Variants in POLR3B observed in about 807,000 individuals in gnomAD.
POLR3B encodes the protein DNA-directed RNA polymerase III subunit RPC2.
Under a neutral mutation model 147.4 loss-of-function variants are expected in POLR3B, and 96 were observed. The observed-to-expected ratio is 0.65, with a 90% CI of 0.55 to 0.77. The LOEUF (loss-of-function observed/expected upper bound fraction) is 0.77, where lower values mean the gene tolerates loss of function less well. Among genes scored for constraint, POLR3B ranks in the 30% least tolerant of loss-of-function variants. The pLI, the probability that POLR3B is intolerant of heterozygous loss-of-function variation, is 0.00. For synonymous variants in POLR3B, 461 were observed against 485.9 expected, an observed-to-expected ratio of 0.95 and a Z score of 0.67; for missense variants, 1,036 against 1,413.5, an observed-to-expected ratio of 0.73 and a Z score of 4.28.
intron 11 of POLR3B, among the ~76,000 whole-genome samples, chr12:106,409,360 TTTTTTTTTTTTC>T (rs2037192173): frequency 4.1e-5 from 6 of 145,474 alleles, no homozygotes; most frequent in South Asian, 4.4e-4. Context: ...TTTTTGTTTT[TTTTTTTTTTTTC>T]TTGAGGATGG....
intron 10 of POLR3B, among the ~76,000 whole-genome samples, chr12:106,397,535 A>G (rs1476917210): frequency 6.6e-6 from 1 of 152,180 alleles, no homozygotes; most frequent in Admixed American, 6.5e-5. Context: ...TTTTTGCACC[A>G]TAGATTAGTT....
At position 106,475,375 on chromosome 12, in the gene POLR3B, A is replaced by G. The variant is rs1276733174; in HGVS notation, c.2713+11755A>G. Among the ~76,000 whole-genome samples the G allele has an allele frequency of 2.1e-5, 2 of 97,060 alleles. 1 individual carries two copies. The highest frequency in any genetic ancestry group is 4.1e-5 in the Non-Finnish European group (2 of 49,236). 63.7% of individuals were successfully genotyped at this position (97,060 alleles called of 152,430 possible). A position where few individuals can be genotyped will look rare whatever the true frequency, so the allele number is the denominator to read the frequency against. Reference sequence around the variant, plus strand: ...GGGGTGGAGAGTTTTGTAGATGTCTATTAGGTCCGCTTGGTGCAGAGCTGA... The same window carrying G: ...GGGGTGGAGAGTTTTGTAGATGTCTGTTAGGTCCGCTTGGTGCAGAGCTGA... On this transcript the variant is annotated intron_variant, in intron 23 of 27. Transcript: ENST00000228347.
At chr12:106,465,540 G>A (rs1296770535) in intron 23 of POLR3B, among the ~76,000 whole-genome samples, 5 of 151,994 alleles carry the variant, frequency 3.3e-5, no homozygotes, top group Admixed American at 1.3e-4. Context: ...AGGTATACAC[G>A]TGCCGTGGTG....
At chr12:106,388,231 C>T (rs906434726) in intron 9 of POLR3B, among the ~76,000 whole-genome samples, 1 of 152,238 alleles carries the variant, frequency 6.6e-6, no homozygotes, top group Admixed American at 6.5e-5. Flanking sequence ...CTTATGATGG[C>T]ATCTGTAGTT....
chr12:106,494,166 A>C (rs1290179126), intron 23 of POLR3B, among the ~76,000 whole-genome samples: 1 of 152,222 alleles, frequency 6.6e-6, no homozygotes, highest in Admixed American at 6.5e-5. Context: ...TCATTTTAAT[A>C]ACATAATAAA....
chr12:106,474,930 C>G (rs1423157968), intron 23 of POLR3B, among the ~76,000 whole-genome samples: 2 of 140,936 alleles, frequency 1.4e-5, no homozygotes, highest in African/African-American at 5.8e-5. Context: ...TTCGCTCTTG[C>G]TTTTCTAGTT....
In POLR3B at chr12:106,427,263, C is replaced by T. The variant is rs548827190; in HGVS notation, c.1168C>T (p.Gln390Ter). ...TTCTGAAATGAAAAAGATTGCCGAC[C>T]AGGTGATTCCTAAGCAAAGAGCAGC... The part of the protein sequence containing the change: ...FNSEMKKIAD[Q>*]VIPKQRAAQF... Residue 390 changes from glutamine to a stop codon, truncating the protein, a stop_gained, in exon 13 of 28, where the codon CAG becomes TAG. Transcript: ENST00000228347. LOFTEE classifies it high-confidence loss of function. The T allele has an allele frequency of 2.5e-6, 4 of 1,610,918 alleles. No homozygotes were observed. Among genetic ancestry groups the T allele is most frequent in the East Asian group, 2.2e-5 (1 of 44,738 alleles).
At position 106,380,127 on chromosome 12, in the gene POLR3B, C is replaced by T; in HGVS notation, c.711C>T (p.Val237=). ...CTTTGTCAGAAGATATACCCATTGT[C>T]ATCATATTTAAGGTAAAGCTGCAGC... The part of the protein sequence containing the change: ...HNTLSEDIPI[V]IIFKAMGVES... Residue 237 remains valine, a synonymous_variant, in exon 9 of 28, where the codon GTC becomes GTT. Transcript: ENST00000228347. 6.4e-7 allele frequency: 1 copy of T among 1,572,100 alleles called. No homozygotes were observed. Among genetic ancestry groups the T allele is most frequent in the African/African-American group, 1.3e-5 (1 of 74,184 alleles).
intron 9 of POLR3B, among the ~76,000 whole-genome samples, chr12:106,385,553 C>T (rs1202745317): frequency 2.0e-5 from 3 of 152,102 alleles, no homozygotes; most frequent in Non-Finnish European, 4.4e-5. Flanking sequence ...GGGTATAAGC[C>T]TCAGAGGAGT....
chr12:106,390,648 A>T (rs2036901702), intron 9 of POLR3B, among the ~76,000 whole-genome samples: 1 of 152,022 alleles, frequency 6.6e-6, no homozygotes, highest in African/African-American at 2.4e-5. Flanking sequence ...TGGAGGTTAA[A>T]AAAAAAGACT....
intron 12 of POLR3B, among the ~76,000 whole-genome samples, chr12:106,422,216 C>T (rs2037382500): frequency 1.3e-5 from 2 of 152,076 alleles, no homozygotes; most frequent in Admixed American, 1.3e-4. Context: ...CCTCCTAGTG[C>T]CATTTTCTTG....
chr12:106,439,668 A>T (rs938505598), intron 18 of POLR3B, among the ~76,000 whole-genome samples: 2 of 152,026 alleles, frequency 1.3e-5, no homozygotes, highest in African/African-American at 4.8e-5. Flanking sequence ...AAATATATAT[A>T]TTTTTTGCAC....
intron 12 of POLR3B, among the ~76,000 whole-genome samples, chr12:106,424,678 G>GAAT (rs1168157073): frequency 6.6e-6 from 1 of 152,058 alleles, no homozygotes; most frequent in East Asian, 1.9e-4. Context: ...CTCCAGAAGT[G>GAAT]AATAGTGAAG....
At chr12:106,470,005 A>AG (rs1396920826) in intron 23 of POLR3B, among the ~76,000 whole-genome samples, 1 of 152,126 alleles carries the variant, frequency 6.6e-6, no homozygotes. Context: ...CTGCCTTGCT[A>AG]GGTTGGGGAA....
chr12:106,470,026 A>G (rs999579014), intron 23 of POLR3B, among the ~76,000 whole-genome samples: 3 of 152,198 alleles, frequency 2.0e-5, no homozygotes, highest in Non-Finnish European at 4.4e-5. Flanking sequence ...GTTCTCCTGG[A>G]TAATATCCTG....
At chr12:106,406,734 C>T (rs2037156697) in intron 11 of POLR3B, among the ~76,000 whole-genome samples, 1 of 152,116 alleles carries the variant, frequency 6.6e-6, no homozygotes, top group South Asian at 2.1e-4. Flanking sequence ...TATTATTAAA[C>T]AGAGATCAAC....
At position 106,406,047 on chromosome 12, in the gene POLR3B, G is replaced by A. The variant is rs946174546; in HGVS notation, c.966+71G>A. The A allele has an allele frequency of 2.6e-6, 4 of 1,537,056 alleles. No individual in the cohort carries two copies. The African/African-American group carries it at 5.5e-5, about 21-fold the overall frequency. ...AATTCCTGTTAGAGAACTGTGATAA[G>A]AGTTTACCTTATTTAAAGTCCAATT... On this transcript the variant is annotated intron_variant, in intron 11 of 27. Coordinates refer to ENST00000228347, the MANE Select transcript of POLR3B (RefSeq NM_018082.6).
intron 19 of POLR3B, among the ~76,000 whole-genome samples, chr12:106,448,858 C>T (rs1168463351): frequency 1.3e-5 from 2 of 152,094 alleles, no homozygotes; most frequent in Non-Finnish European, 2.9e-5. Flanking sequence ...TCTATGTCTT[C>T]TATGTAATGT....
chr12:106,422,507 T>G (rs760900872), intron 12 of POLR3B, among the ~76,000 whole-genome samples: 1 of 152,224 alleles, frequency 6.6e-6, no homozygotes, highest in Non-Finnish European at 1.5e-5. Context: ...ACAGTGCTCT[T>G]TATTTTTTAA....
Sources: allele counts gnomAD v4.1 joint callset (sites outside exome capture counted in the v4.1 genomes callset), GRCh38; gene constraint gnomAD v4.1.1; transcripts MANE v1.5; gene names NCBI Gene and HGNC (gene_info 2026-07-23, HGNC 2026-07-21).